The following GOLM1 variants were observed in gnomAD, a reference collection of about 807,000 sequenced individuals.
GOLM1 encodes the protein golgi membrane protein 1, also known as epididymis luminal protein 46.
A neutral mutation model predicts 50.5 loss-of-function variants in GOLM1; 31 were observed. The ratio of observed to expected loss-of-function variants is 0.61; its 90% CI spans 0.46 to 0.83. GOLM1 has a LOEUF of 0.83. Ranked by LOEUF, GOLM1 falls within the 40% of genes least tolerant of loss-of-function variation. The pLI is 0.00. For missense variants in GOLM1, 491 were observed against 501.3 expected (o/e 0.98, Z 0.20); for synonymous variants, 178 against 192.8 (o/e 0.92, Z 0.64).
At chr9:86,086,423 T>C (rs1241884368) in intron 1 of GOLM1, among the ~76,000 whole-genome samples, 2 of 152,330 alleles carry the variant, frequency 1.3e-5, no homozygotes, top group East Asian at 3.9e-4. Flanking sequence ...GCCTGTTCAC[T>C]CTGATGATAG....
At chr9:86,087,075 G>A (rs921732957) in intron 1 of GOLM1, among the ~76,000 whole-genome samples, 6 of 152,026 alleles carry the variant, frequency 3.9e-5, no homozygotes, top group Non-Finnish European at 7.4e-5. Flanking sequence ...TGATTCTTCC[G>A]ATCCATGAGC....
chr9:86,080,449 G>T (rs1222581278), intron 1 of GOLM1, among the ~76,000 whole-genome samples: 6 of 152,112 alleles, frequency 3.9e-5, no homozygotes, highest in Non-Finnish European at 5.9e-5. Context: ...TTTACACCAG[G>T]GGTGTCTAGC....
In GOLM1 at chr9:86,027,047, C is replaced by G. The variant is rs941003816; in HGVS notation, c.*770G>C. 3.0e-6 allele frequency: 3 copies of G among 985,250 alleles called. No individual in the cohort carries two copies. The East Asian group carries it at 3.4e-4, about 112-fold the overall frequency. 61.0% of individuals were successfully genotyped at this position (985,250 alleles called of 1,614,324 possible). A position where few individuals can be genotyped will look rare whatever the true frequency, so the allele number is the denominator to read the frequency against. On this transcript the variant is annotated 3_prime_UTR_variant, in exon 10 of 10. Coordinates refer to ENST00000388712, the MANE Select transcript of GOLM1 (RefSeq NM_016548.4). ...TTGGCCTGTTTGTTTTGTCAAAAAC[C>G]TAATCTGCTTCTTGCTTTTCTTGGT...
At chr9:86,095,810 T>C (rs139959730) in intron 1 of GOLM1, among the ~76,000 whole-genome samples, 9 of 152,316 alleles carry the variant, frequency 5.9e-5, no homozygotes, top group Admixed American at 2.6e-4. Flanking sequence ...CCTGGTTCAG[T>C]GCTCCTTGGA....
intron 7 of GOLM1, among the ~76,000 whole-genome samples, chr9:86,036,064 A>G (rs928586915): frequency 6.6e-6 from 1 of 151,990 alleles, no homozygotes; most frequent in African/African-American, 2.4e-5. Context: ...TCTGGGGCTC[A>G]GCCGCCTCCC....
In GOLM1 at chr9:86,035,472, G is replaced by A; in HGVS notation, c.911C>T (p.Ala304Val). Reference protein sequence around the residue: ...GELGQTPQVQAALSVSQENPE... With the variant: ...GELGQTPQVQVALSVSQENPE... ...ATTTTCCTGGCTCACTGACAGGGCA[G>A]CCTGCACCTGTGGGGTCTGGCCCAG... Residue 304 changes from alanine to valine, a missense_variant, in exon 8 of 10, where the codon GCT becomes GTT. By Grantham distance (64) the Ala-to-Val change is moderately conservative. Transcript: ENST00000388712. 1 of 1,613,674 alleles carries A rather than the reference G, an allele frequency of 6.2e-7. No individual in the cohort carries two copies. The highest frequency in any genetic ancestry group is 8.5e-7 in the Non-Finnish European group (1 of 1,179,950).
intron 1 of GOLM1, among the ~76,000 whole-genome samples, chr9:86,095,421 T>C (rs1046986458): frequency 1.5e-5 from 2 of 133,246 alleles, no homozygotes; most frequent in Non-Finnish European, 3.0e-5. Context: ...TTTTTTTTTT[T>C]TTTTAAAATA....
At chr9:86,059,931 A>C in intron 3 of GOLM1, among the ~76,000 whole-genome samples, 1 of 150,790 alleles carries the variant, frequency 6.6e-6, no homozygotes, top group Non-Finnish European at 1.5e-5. Context: ...AAAGTTTTGG[A>C]ATCAGTGGTT....
intron 8 of GOLM1, chr9:86,034,882 G>C (rs922694307): frequency 9.1e-5 from 38 of 416,062 alleles, no homozygotes; most frequent in African/African-American, 7.7e-4. Flanking sequence ...AAAGAAAAGA[G>C]TCAACCAAAC....
At chr9:86,098,438 C>T (rs1299781422) in intron 1 of GOLM1, among the ~76,000 whole-genome samples, 1 of 152,170 alleles carries the variant, frequency 6.6e-6, no homozygotes, top group Non-Finnish European at 1.5e-5. Flanking sequence ...CTAAATACTT[C>T]ATCAGGTTAT....
chr9:86,055,920 A>T (rs532134137), intron 3 of GOLM1, among the ~76,000 whole-genome samples: 11 of 152,332 alleles, frequency 7.2e-5, no homozygotes, highest in Admixed American at 1.3e-4. Flanking sequence ...TCCACCTTGC[A>T]TCGGTGTGAA....
Position 86,033,265 on chromosome 9 carries a change from G to T in GOLM1, c.1129+17C>A. 7.3e-7 allele frequency: 1 copy of T among 1,371,430 alleles called. No individual in the cohort carries two copies. The highest frequency in any genetic ancestry group is 1.0e-6 in the Non-Finnish European group (1 of 958,226). 85.0% of individuals were successfully genotyped at this position (1,371,430 alleles called of 1,614,324 possible). ...AATGAAAGGTGACCTCGTCACCGAT[G>T]TAGGCCCCATTCTTACCATCTATGT... On this transcript the variant is annotated intron_variant, in intron 9 of 9. Coordinates refer to ENST00000388712, the MANE Select transcript of GOLM1 (RefSeq NM_016548.4).
At chr9:86,063,971 C>T (rs145485449) in intron 3 of GOLM1, among the ~76,000 whole-genome samples, 2 of 152,224 alleles carry the variant, frequency 1.3e-5, no homozygotes, top group Non-Finnish European at 2.9e-5. Context: ...CCATGTGGAA[C>T]TTGTCCATGG....
At chr9:86,058,660 C>T (rs1196735729) in intron 3 of GOLM1, among the ~76,000 whole-genome samples, 4 of 136,564 alleles carry the variant, frequency 2.9e-5, no homozygotes, top group Non-Finnish European at 6.1e-5. Context: ...CATGCCACTG[C>T]ACTCCAGACT....
intron 9 of GOLM1, 140 bp downstream of exon 9, chr9:86,033,142 G>T (rs886877517): frequency 1.6e-6 from 1 of 611,984 alleles, no homozygotes; most frequent in Non-Finnish European, 2.9e-6. Flanking sequence ...TGGTTTAAAA[G>T]CTCCTAAAGA....
chr9:86,086,173 G>A (rs1417320515), intron 1 of GOLM1, among the ~76,000 whole-genome samples: 2 of 152,138 alleles, frequency 1.3e-5, no homozygotes, highest in Admixed American at 6.5e-5. Flanking sequence ...TCTAACTGGC[G>A]TGAGATGGTA....
intron 8 of GOLM1, 42 bp from the exon 9 acceptor site, chr9:86,033,437 T>A: frequency 8.2e-7 from 1 of 1,213,172 alleles, no homozygotes; most frequent in Non-Finnish European, 1.2e-6. Flanking sequence ...ATCATTTCTG[T>A]CTTGATGTCA....
intron 3 of GOLM1, among the ~76,000 whole-genome samples, chr9:86,074,966 A>G (rs1834569230): frequency 6.6e-6 from 1 of 152,236 alleles, no homozygotes; most frequent in African/African-American, 2.4e-5. Flanking sequence ...AAATCCACAC[A>G]TTGAAACCAA....
chr9:86,077,707 C>T (rs1307764502), intron 2 of GOLM1, 116 bp from the exon 3 acceptor site: 4 of 691,368 alleles, frequency 5.8e-6, no homozygotes, highest in Non-Finnish European at 1.0e-5. Flanking sequence ...GTCTTATACA[C>T]ACAAGTGCCC....
Sources: gnomAD v4.1 joint callset for allele counts (sites outside exome capture counted in the v4.1 genomes callset) on GRCh38, gnomAD v4.1.1 for gene constraint, MANE v1.5 for transcripts, NCBI Gene and HGNC (gene_info 2026-07-23, HGNC 2026-07-21) for gene names.